Variants in PREX1 observed in about 807,000 individuals in gnomAD.
PREX1 encodes phosphatidylinositol-3,4,5-trisphosphate dependent Rac exchange factor 1, also known as phosphatidylinositol 3,4,5-trisphosphate-dependent Rac exchanger 1 protein.
A neutral mutation model predicts 198.3 loss-of-function variants in PREX1; 41 were observed. The ratio of observed to expected loss-of-function variants is 0.21; its 90% CI spans 0.16 to 0.27. The LOEUF is 0.27. PREX1 is among the 10% of genes least tolerant of loss of function. The probability of loss-of-function intolerance (pLI) is 1.00; values close to 1 mark genes in which losing one functional copy is unlikely to be tolerated. For synonymous variants in PREX1, 843 were observed against 887.2 expected (o/e 0.95, Z 0.89); for missense variants, 1,620 against 2,200.7 (o/e 0.74, Z 5.28).
intron 1 of PREX1, among the ~76,000 whole-genome samples, chr20:48,766,400 G>A (rs558278853): frequency 1.8e-4 from 27 of 152,254 alleles, no homozygotes; most frequent in African/African-American, 5.3e-4. Context: ...CCCATCAGCC[G>A]CTCCCCGCTT....
In PREX1 at chr20:48,816,441, T is replaced by A. The variant is rs184523680; in HGVS notation, c.219+11201A>T. 6.6e-5 allele frequency among the ~76,000 whole-genome samples: 10 copies of A among 152,260 alleles called. No homozygotes were observed. The East Asian group carries it at 1.7e-3, about 26-fold the overall frequency. ...GACAGAGGCGAAGGGATTTTGCAGA[T>A]ATAATCAGGGTCCAAAATCAGCTGA... On this transcript the variant is annotated intron_variant, in intron 1 of 39. Coordinates refer to ENST00000371941, the MANE Select transcript of PREX1 (RefSeq NM_020820.4).
chr20:48,771,385 A>T (rs1008706208), intron 1 of PREX1, among the ~76,000 whole-genome samples: 3 of 151,756 alleles, frequency 2.0e-5, no homozygotes, highest in African/African-American at 7.3e-5. Context: ...CTGCAATTCC[A>T]GGGGAATCAC....
At chr20:48,828,644 G>C (rs953345983), upstream of PREX1, among the ~76,000 whole-genome samples, 1 of 152,220 alleles carries the variant, frequency 6.6e-6, no homozygotes, top group African/African-American at 2.4e-5. Flanking sequence ...GCGCGCGCTC[G>C]CTCTCACTTT....
chr20:48,848,177 T>C, the PREX1 span, among the ~76,000 whole-genome samples: 1 of 152,200 alleles, frequency 6.6e-6, no homozygotes, highest in Non-Finnish European at 1.5e-5. Context: ...TTTTCCAAAG[T>C]GGTTGTACCA....
intron 15 of PREX1, among the ~76,000 whole-genome samples, chr20:48,664,597 G>A (rs556198558): frequency 6.6e-5 from 10 of 152,196 alleles, no homozygotes; most frequent in Non-Finnish European, 1.0e-4. Flanking sequence ...GCACCTTGGC[G>A]GGGGTTAAAG....
chr20:48,665,351 G>C (rs2089631080), intron 15 of PREX1, among the ~76,000 whole-genome samples: 1 of 151,104 alleles, frequency 6.6e-6, no homozygotes, highest in Admixed American at 6.6e-5. Flanking sequence ...CCCGACTCCA[G>C]ACGGCCTGAG....
Position 48,827,712 on chromosome 20 carries a change from C to A in PREX1, c.149G>T (p.Arg50Leu). Residue 50 changes from arginine to leucine, a missense_variant, in exon 1 of 40, where the codon CGC becomes CTC. Arg to Leu is a moderately radical substitution (Grantham distance 102). Around this residue, in one of 7 missense-constraint regions of PREX1, gnomAD observed 96 missense variants for 98.7 expected, o/e 0.97. Coordinates refer to ENST00000371941, the MANE Select transcript of PREX1 (RefSeq NM_020820.4). The surrounding 1 kb of genome is among the most constrained non-coding windows in gnomAD (Gnocchi z 4.1). ...CAAGATCTCGTTGAGGACGCAGAGG[C>A]GGAGGCGCAGCTGGCGCTCGGACTC... The part of the protein sequence containing the change: ...ARESERQLRL[R>L]LCVLNEILGT... 7.3e-7 allele frequency: 1 copy of A among 1,365,420 alleles called. No homozygotes were observed. The highest frequency in any genetic ancestry group is 9.6e-7 in the Non-Finnish European group (1 of 1,044,824). 84.6% of individuals were successfully genotyped at this position (1,365,420 alleles called of 1,614,324 possible). A position where few individuals can be genotyped will look rare whatever the true frequency, so the allele number is the denominator to read the frequency against.
chr20:48,649,568 TC>T lies in PREX1; in HGVS notation c.3036del (p.Asn1013ThrfsTer78). 1 of 1,593,096 alleles carries T rather than the reference TC, an allele frequency of 6.3e-7. No individual in the cohort carries two copies. The highest frequency in any genetic ancestry group is 8.6e-7 in the Non-Finnish European group (1 of 1,168,600). ...CAGTGCTGGGTGTACGACATGGGGT[TC>T]AGGTGGCCTGCAGTGGAGGAAGAGA... is the stretch of plus-strand genomic sequence containing the variant. ...LIGLDPEQGH[L>X]NPMSYTQHCI... is the part of the protein sequence containing the mutation. On this transcript the variant is annotated frameshift_variant, in exon 25 of 40. Transcript: ENST00000371941. LOFTEE classifies it high-confidence loss of function.
chr20:48,636,577 G>A lies in PREX1; in HGVS notation c.4053C>T (p.Asn1351=). 5 of 1,611,986 alleles carry A rather than the reference G, an allele frequency of 3.1e-6. No homozygotes were observed. The highest frequency in any genetic ancestry group is 1.7e-6 in the Non-Finnish European group (2 of 1,179,668). Residue 1351 remains asparagine (N), a synonymous_variant, in exon 32 of 40, where the codon AAC becomes AAT. Transcript: ENST00000371941. ...QLLAALGYRY[N]NNGEYEESSR... ...TGCTCTCCTCGTACTCGCCATTGTT[G>A]TTGTAGCGGTAGCCCAGGGCCGCCA... is the stretch of plus-strand genomic sequence containing the variant.
At chr20:48,638,656 A>G (rs1601033466) in intron 30 of PREX1, among the ~76,000 whole-genome samples, 1 of 151,910 alleles carries the variant, frequency 6.6e-6, no homozygotes, top group Middle Eastern at 3.4e-3. Context: ...GGCAGGACTC[A>G]CCACGCCAGG....
chr20:48,792,817 T>TACACACACACAC (rs372512250), intron 1 of PREX1, among the ~76,000 whole-genome samples: 22 of 113,548 alleles, frequency 1.9e-4, no homozygotes, highest in African/African-American at 4.8e-4. Flanking sequence ...AAAAAAAAAA[T>TACACACACACAC]ACACACACAC....
At chr20:48,676,052 AAGATC>A in intron 14 of PREX1, 136 bp downstream of exon 14, 3 of 890,246 alleles carry the variant, frequency 3.4e-6, no homozygotes, top group Non-Finnish European at 3.5e-6. Flanking sequence ...AAAAAAAAAA[AAGATC>A]AAGATGGTAA....
At chr20:48,879,119 T>A in the PREX1 span, among the ~76,000 whole-genome samples, 20,328 of 152,130 alleles carry the variant, frequency 0.13, 1,445 homozygotes, top group Non-Finnish European at 0.16. Context: ...GCTCAAGCCA[T>A]TGTGACTTGG....
At chr20:48,656,425 G>GGC (rs1555832120) in intron 18 of PREX1, 1 of 456,314 alleles carries the variant, frequency 2.2e-6, no homozygotes, top group Non-Finnish European at 4.4e-6. Context: ...GGCCTCCAGG[G>GGC]CTGGACCCCG....
At position 48,653,472 on chromosome 20, in the gene PREX1, G is replaced by A. The variant is rs1203267291; in HGVS notation, c.2235C>T (p.Leu745=). ...GRGSEAMAAG[L]CAGQCILKVN... is the part of the protein sequence containing the mutation. ...CCTTCAGAATGCACTGACCAGCACA[G>A]AGCCCTGCAGCCATGGCCTCAGAGC... Residue 745 remains leucine, a synonymous_variant, in exon 20 of 40, where the codon CTC becomes CTT. Coordinates refer to ENST00000371941, the MANE Select transcript of PREX1 (RefSeq NM_020820.4). 3 of 1,612,866 alleles carry A rather than the reference G, an allele frequency of 1.9e-6. No homozygotes were observed. The highest frequency in any genetic ancestry group is 2.5e-6 in the Non-Finnish European group (3 of 1,179,468).
chr20:48,792,788 G>A lies in PREX1; in HGVS notation c.219+34854C>T, dbSNP rs573524124. ...AAATTCTGACACATATTACAATGTGGAAGAAGCCAGATACAAAAAAAAAAA... is the reference window on the plus strand; with the variant it reads ...AAATTCTGACACATATTACAATGTGAAAGAAGCCAGATACAAAAAAAAAAA... On this transcript the variant is annotated intron_variant, in intron 1 of 39. Transcript: ENST00000371941. Among the ~76,000 whole-genome samples, 5 of 124,026 alleles carry A rather than the reference G, an allele frequency of 4.0e-5. No individual in the cohort carries two copies. The Admixed American group carries it at 4.6e-4, about 11-fold the overall frequency. The allele number at this position is 124,026 out of a possible 152,430, so 81.4% of individuals were successfully genotyped here. A position where few individuals can be genotyped will look rare whatever the true frequency, so the allele number is the denominator to read the frequency against.
intron 1 of PREX1, among the ~76,000 whole-genome samples, chr20:48,789,811 C>T (rs901752683): frequency 4.0e-5 from 6 of 151,654 alleles, no homozygotes; most frequent in Admixed American, 2.0e-4. Flanking sequence ...AAATACTGGA[C>T]GGACAGATGA....
the PREX1 span, among the ~76,000 whole-genome samples, chr20:48,880,013 ATGTGGTGC>A: frequency 6.6e-6 from 1 of 152,206 alleles, no homozygotes; most frequent in Non-Finnish European, 1.5e-5. Context: ...TTGAATTTCC[ATGTGGTGC>A]CCATCTTTCT....
rs1380050816 is a variant in PREX1, at chr20:48,690,975, G to A, written c.1158C>T (p.Ala386=). The A allele has an allele frequency of 1.2e-6, 2 of 1,614,188 alleles. No homozygotes were observed. The highest frequency in any genetic ancestry group is 1.1e-5 in the South Asian group (1 of 91,084). The change falls in exon 9 of 40, where the codon GCC becomes GCT. Residue 386 remains alanine (A), a synonymous_variant. Coordinates refer to ENST00000371941, the MANE Select transcript of PREX1 (RefSeq NM_020820.4). ...CGCGCTGCTCCCGCTCGCGGATGAT[G>A]GCATCCAGCCACTTCTGCTTCTCCT... ...TAEEKQKWLD[A]IIREREQRES... is the part of the protein sequence containing the mutation.
Sources: gnomAD v4.1 joint callset for allele counts (sites outside exome capture counted in the v4.1 genomes callset) on GRCh38, gnomAD v4.1.1 for gene constraint, gnomAD v4.1.1 regional missense constraint, Gnocchi (gnomAD v3.1) non-coding constraint, MANE v1.5 for transcripts, NCBI Gene and HGNC (gene_info 2026-07-23, HGNC 2026-07-21) for gene names.